The following PXDNL variants were observed in gnomAD, a reference collection of about 807,000 sequenced individuals.
PXDNL encodes probable oxidoreductase PXDNL.
In PXDNL, 145 loss-of-function variants were observed where a neutral mutation model predicts 150.8. The ratio of observed to expected loss-of-function variants is 0.96; its 90% CI spans 0.84 to 1.10. PXDNL has a LOEUF of 1.10. PXDNL is among the 50% of genes least tolerant of loss of function. The pLI, the probability that PXDNL is intolerant of heterozygous loss-of-function variation, is 0.00. For synonymous variants in PXDNL, 757 were observed against 725.7 expected, an observed-to-expected ratio of 1.04 and a Z score of -0.69; for missense variants, 2,087 against 1,873.9, an observed-to-expected ratio of 1.11 and a Z score of -2.10.
At position 51,455,462 on chromosome 8, in the gene PXDNL, C is replaced by G. The variant is rs1809918722; in HGVS notation, c.983-1677G>C. On this transcript the variant is annotated intron_variant, in intron 9 of 22. Transcript: ENST00000356297. ...TCAGGAAGGATCTCAGCAATAAAGA[C>G]TATAAATTTTACATGAAGTATGAAA... Among the ~76,000 whole-genome samples the G allele has an allele frequency of 2.0e-5, 3 of 152,010 alleles. No individual in the cohort carries two copies. In the South Asian group the frequency reaches 6.2e-4, roughly 32 times the overall value.
intron 18 of PXDNL, 47 bp downstream of exon 18, chr8:51,374,550 A>G (rs1807237695): frequency 6.2e-7 from 1 of 1,601,216 alleles, no homozygotes; most frequent in African/African-American, 1.3e-5. Flanking sequence ...TTTTGGGTCA[A>G]AAACAACTTT....
chr8:51,694,075 C>T lies in PXDNL; in HGVS notation c.165-39315G>A, dbSNP rs28433997. 8.4e-3 allele frequency among the ~76,000 whole-genome samples: 1,282 copies of T among 152,322 alleles called. 15 individuals are homozygous for T. The highest frequency in any genetic ancestry group is 0.025 in the African/African-American group (1,031 of 41,576). ...CCTTCCACCCACCAATGGGAGGCAA[C>T]ATGTGTTAGCCTAGTATCCTGCGGA... is the stretch of plus-strand genomic sequence containing the variant. On this transcript the variant is annotated intron_variant, in intron 1 of 22. Coordinates refer to ENST00000356297, the MANE Select transcript of PXDNL (RefSeq NM_144651.5).
intron 1 of PXDNL, among the ~76,000 whole-genome samples, chr8:51,664,131 T>G (rs1815332400): frequency 1.3e-5 from 2 of 151,622 alleles, no homozygotes; most frequent in African/African-American, 4.9e-5. Context: ...GGAGAAGGAC[T>G]AGGCTACATC....
At chr8:51,325,323 T>C (rs1273689516) in intron 21 of PXDNL, among the ~76,000 whole-genome samples, 1 of 152,176 alleles carries the variant, frequency 6.6e-6, no homozygotes, top group African/African-American at 2.4e-5. Flanking sequence ...AGCCTTCTGG[T>C]TTAGGTGTTT....
intron 18 of PXDNL, 81 bp downstream of exon 18, chr8:51,374,516 G>T: frequency 1.4e-6 from 2 of 1,396,882 alleles, no homozygotes; most frequent in Non-Finnish European, 1.0e-6. Flanking sequence ...ATAAAAATAT[G>T]AATCACAATG....
chr8:51,539,206 C>A (rs1192016010), intron 4 of PXDNL, among the ~76,000 whole-genome samples: 3 of 151,998 alleles, frequency 2.0e-5, no homozygotes, highest in Non-Finnish European at 2.9e-5. Flanking sequence ...TATGCTTTTT[C>A]TGCATATATT....
chr8:51,660,385 G>A (rs980585785), intron 1 of PXDNL, among the ~76,000 whole-genome samples: 1 of 152,080 alleles, frequency 6.6e-6, no homozygotes, highest in Non-Finnish European at 1.5e-5. Context: ...CAGTGAGGTG[G>A]GGCCTCCTGG....
chr8:51,694,932 T>C (rs547941604), intron 1 of PXDNL, among the ~76,000 whole-genome samples: 1 of 152,352 alleles, frequency 6.6e-6, no homozygotes, highest in South Asian at 2.1e-4. Context: ...ACTTCTATTG[T>C]CTTTTTCTGG....
chr8:51,673,959 G>GT (rs1815555394), intron 1 of PXDNL, among the ~76,000 whole-genome samples: 1 of 152,158 alleles, frequency 6.6e-6, no homozygotes, highest in Non-Finnish European at 1.5e-5. Flanking sequence ...AACTTAAGAA[G>GT]TTATTTTTAA....
intron 6 of PXDNL, 118 bp downstream of exon 6, chr8:51,483,525 G>C (rs1426317706): frequency 1.4e-6 from 1 of 700,330 alleles, no homozygotes; most frequent in Non-Finnish European, 2.5e-6. Context: ...TCCCTAACAT[G>C]CTAGAATTGC....
intron 1 of PXDNL, among the ~76,000 whole-genome samples, chr8:51,784,100 T>C (rs573286110): frequency 1.3e-5 from 2 of 152,342 alleles, no homozygotes; most frequent in East Asian, 3.9e-4. Flanking sequence ...CTGCTCAACA[T>C]ACTCTTAGTT....
rs1807129526 is a variant in PXDNL, at chr8:51,371,965, T to C, written c.3809A>G (p.Asp1270Gly). 6.2e-7 allele frequency: 1 copy of C among 1,613,964 alleles called. No individual in the cohort carries two copies. Among genetic ancestry groups the C allele is most frequent in the Non-Finnish European group, 8.5e-7 (1 of 1,179,888 alleles). Reference sequence around the variant, plus strand: ...TGGGTATTCTGCCTTTACAAAGACATCAGCCTGCACTTGCTGAATGCTGTC... The same window carrying C: ...TGGGTATTCTGCCTTTACAAAGACACCAGCCTGCACTTGCTGAATGCTGTC... ...NGDSIQQVQA[D>G]VFVKAEYPQD... The change falls in exon 19 of 23, where the codon GAT (aspartate) becomes GGT (glycine). Residue 1270 changes from aspartate (D) to glycine (G), a missense_variant. Transcript: ENST00000356297.
chr8:51,586,605 A>G (rs1813327948), intron 3 of PXDNL, among the ~76,000 whole-genome samples: 1 of 152,204 alleles, frequency 6.6e-6, no homozygotes, highest in African/African-American at 2.4e-5. Context: ...ACATTCTTCA[A>G]TGGCACTTAC....
intron 3 of PXDNL, among the ~76,000 whole-genome samples, chr8:51,568,882 T>C (rs1387477383): frequency 6.6e-6 from 1 of 151,914 alleles, no homozygotes; most frequent in Non-Finnish European, 1.5e-5. Context: ...TCCAGTCGAC[T>C]GGTGGGCCCA....
intron 4 of PXDNL, among the ~76,000 whole-genome samples, chr8:51,508,331 C>T (rs2130329737): frequency 6.6e-6 from 1 of 152,322 alleles, no homozygotes; most frequent in African/African-American, 2.4e-5. Flanking sequence ...AAAAACAAGG[C>T]TGTGAATTTT....
chr8:51,396,888 GA>G (rs1244462265), intron 17 of PXDNL, among the ~76,000 whole-genome samples: 3 of 151,946 alleles, frequency 2.0e-5, no homozygotes, highest in Non-Finnish European at 4.4e-5. Context: ...CTCATGGAAG[GA>G]AAAAAGGACT....
intron 2 of PXDNL, among the ~76,000 whole-genome samples, chr8:51,629,969 C>T (rs1814457681): frequency 6.6e-6 from 1 of 151,800 alleles, no homozygotes; most frequent in Non-Finnish European, 1.5e-5. Context: ...AAAAAAAACC[C>T]ATATAGCCAA....
intron 2 of PXDNL, among the ~76,000 whole-genome samples, chr8:51,634,768 G>T (rs1814571114): frequency 6.6e-6 from 1 of 151,750 alleles, no homozygotes; most frequent in Admixed American, 6.6e-5. Context: ...TCTTGATATG[G>T]CTCCCGGTTT....
Position 51,372,088 on chromosome 8 carries a change from G to A in PXDNL, c.3693-7C>T. 6.7e-7 allele frequency: 1 copy of A among 1,501,074 alleles called. No homozygotes were observed. The highest frequency in any genetic ancestry group is 9.0e-7 in the Non-Finnish European group (1 of 1,114,278). The allele number at this position is 1,501,074 out of a possible 1,614,324, so 93.0% of individuals were successfully genotyped here. ...AGGGTTTTCATACCAGAACCTGGTAGTCAACCAAAAAAAAAACATTGTCGT... is the reference window on the plus strand; with the variant it reads ...AGGGTTTTCATACCAGAACCTGGTAATCAACCAAAAAAAAAACATTGTCGT... On this transcript the variant is annotated splice_polypyrimidine_tract_variant and splice_region_variant and intron_variant, in intron 18 of 22. Coordinates refer to ENST00000356297, the MANE Select transcript of PXDNL (RefSeq NM_144651.5).
Sources: allele counts gnomAD v4.1 joint callset (sites outside exome capture counted in the v4.1 genomes callset), GRCh38; gene constraint gnomAD v4.1.1; transcripts MANE v1.5; gene names NCBI Gene and HGNC (gene_info 2026-07-23, HGNC 2026-07-21).